The following GRAMD1B variants were observed in gnomAD, a reference collection of about 807,000 sequenced individuals.
The protein encoded by GRAMD1B is GRAM domain containing 1B, also known as protein Aster-B.
GRAMD1B carries 37 observed loss-of-function variants against 99.7 expected under a neutral mutation model. The observed-to-expected ratio is 0.37, with a 90% CI of 0.29 to 0.49. The LOEUF (loss-of-function observed/expected upper bound fraction) is 0.49, where lower values mean the gene tolerates loss of function less well. GRAMD1B is among the 20% of genes least tolerant of loss of function. The pLI, the probability that GRAMD1B is intolerant of heterozygous loss-of-function variation, is 0.98. For synonymous variants in GRAMD1B, 427 were observed against 387.6 expected, an observed-to-expected ratio of 1.10 and a Z score of -1.19; for missense variants, 888 against 1,009.2, an observed-to-expected ratio of 0.88 and a Z score of 1.63.
intron 11 of GRAMD1B, among the ~76,000 whole-genome samples, chr11:123,607,105 C>G (rs181500728): frequency 8.5e-5 from 13 of 152,244 alleles, no homozygotes; most frequent in Admixed American, 2.6e-4. Context: ...GTTTATAAGC[C>G]ACAAGGAAGG....
At chr11:123,585,352 G>A (rs571243319) in intron 4 of GRAMD1B, among the ~76,000 whole-genome samples, 16 of 152,300 alleles carry the variant, frequency 1.1e-4, no homozygotes, top group African/African-American at 3.4e-4. Context: ...CCTACTTGGC[G>A]CTGGGCGGTT....
intron 2 of GRAMD1B, among the ~76,000 whole-genome samples, chr11:123,482,223 G>A (rs561121503): frequency 3.5e-4 from 53 of 151,690 alleles, no homozygotes; most frequent in African/African-American, 9.4e-4. Context: ...CTCAGCCTCC[G>A]GAGTAATTGG....
intron 1 of GRAMD1B, among the ~76,000 whole-genome samples, chr11:123,450,287 C>T (rs1177950893): frequency 1.3e-5 from 2 of 152,174 alleles, no homozygotes; most frequent in African/African-American, 2.4e-5. Context: ...TACTTTTTCT[C>T]GTCTTCTGAT....
chr11:123,543,057 C>T (rs1944703963), intron 2 of GRAMD1B, among the ~76,000 whole-genome samples: 1 of 152,042 alleles, frequency 6.6e-6, no homozygotes, highest in Non-Finnish European at 1.5e-5. Flanking sequence ...ACTGTTTCCT[C>T]ATTCTCAGCT....
chr11:123,619,053 C>A, intron 18 of GRAMD1B, 54 bp from the exon 19 acceptor site: 1 of 983,912 alleles, frequency 1.0e-6, no homozygotes, highest in Non-Finnish European at 1.6e-6. Flanking sequence ...GAGCCCAGGA[C>A]AGTTCGCTGA....
At chr11:123,410,323 G>A (rs1947999845) in intron 1 of GRAMD1B, among the ~76,000 whole-genome samples, 1 of 152,052 alleles carries the variant, frequency 6.6e-6, no homozygotes. Context: ...GAGAGAGAAA[G>A]AAACAGAGGA....
At chr11:123,377,082 G>C (rs1304680965) in intron 1 of GRAMD1B, among the ~76,000 whole-genome samples, 1 of 152,138 alleles carries the variant, frequency 6.6e-6, no homozygotes, top group Non-Finnish European at 1.5e-5. Flanking sequence ...AAGAACACAA[G>C]TATTGACTTT....
At chr11:123,621,143 G>A (rs1000166844) in intron 19 of GRAMD1B, among the ~76,000 whole-genome samples, 4 of 152,128 alleles carry the variant, frequency 2.6e-5, no homozygotes, top group African/African-American at 9.7e-5. Flanking sequence ...TCTGTCTTGA[G>A]CACAAGATAT....
intron 1 of GRAMD1B, among the ~76,000 whole-genome samples, chr11:123,392,851 A>G (rs972692401): frequency 2.0e-5 from 3 of 152,172 alleles, no homozygotes; most frequent in African/African-American, 7.2e-5. Context: ...AGTCTGTTAC[A>G]TTTCATCTTG....
At chr11:123,362,196 A>G (rs528527676) in intron 1 of GRAMD1B, among the ~76,000 whole-genome samples, 4 of 152,338 alleles carry the variant, frequency 2.6e-5, no homozygotes, top group Admixed American at 6.5e-5. Flanking sequence ...CATGAGCATC[A>G]CAGGTGAATA....
chr11:123,433,568 C>G (rs1197742476), intron 1 of GRAMD1B, among the ~76,000 whole-genome samples: 2 of 152,078 alleles, frequency 1.3e-5, no homozygotes, highest in East Asian at 3.9e-4. Context: ...GTGTGAGGAT[C>G]ACATGAGCCC....
intron 1 of GRAMD1B, among the ~76,000 whole-genome samples, chr11:123,457,532 T>C (rs1950214897): frequency 6.6e-6 from 1 of 152,202 alleles, no homozygotes; most frequent in Non-Finnish European, 1.5e-5. Context: ...AGACAGGGCC[T>C]ATGTGATTGT....
At chr11:123,413,853 G>A (rs1948136316) in intron 1 of GRAMD1B, among the ~76,000 whole-genome samples, 1 of 152,144 alleles carries the variant, frequency 6.6e-6, no homozygotes, top group Non-Finnish European at 1.5e-5. Context: ...GACCTTGGGT[G>A]GCTTAGTAGT....
chr11:123,487,737 T>G (rs1401129186), intron 2 of GRAMD1B, among the ~76,000 whole-genome samples: 1 of 152,150 alleles, frequency 6.6e-6, no homozygotes, highest in Non-Finnish European at 1.5e-5. Flanking sequence ...CCTGAGTAGC[T>G]GGGTTTAGCT....
At chr11:123,590,345 A>T (rs1448455780) in intron 4 of GRAMD1B, among the ~76,000 whole-genome samples, 2 of 152,164 alleles carry the variant, frequency 1.3e-5, no homozygotes, top group Non-Finnish European at 2.9e-5. Flanking sequence ...GAGTGTCTCC[A>T]AGAAGTCCCT....
At chr11:123,484,568 A>G (rs1675382918) in intron 2 of GRAMD1B, among the ~76,000 whole-genome samples, 2 of 151,972 alleles carry the variant, frequency 1.3e-5, no homozygotes, top group South Asian at 4.1e-4. Context: ...TTTATGGTGG[A>G]TGGGGATGTT....
chr11:123,372,437 T>C (rs983501747), intron 1 of GRAMD1B, among the ~76,000 whole-genome samples: 1 of 152,082 alleles, frequency 6.6e-6, no homozygotes, highest in African/African-American at 2.4e-5. Flanking sequence ...TGGGAGTAGG[T>C]TTGGGACTAG....
At chr11:123,405,003 A>G (rs1023533345) in intron 1 of GRAMD1B, among the ~76,000 whole-genome samples, 11 of 152,216 alleles carry the variant, frequency 7.2e-5, no homozygotes, top group Non-Finnish European at 1.2e-4. Context: ...GAAGTCAGAG[A>G]AGAAAGCTTC....
intron 2 of GRAMD1B, among the ~76,000 whole-genome samples, chr11:123,485,715 C>CT (rs373956363): frequency 0.014 from 1,862 of 132,458 alleles, 38 homozygotes; most frequent in African/African-American, 0.043. Flanking sequence ...TTAATTCATT[C>CT]TTTTTTTTTT....
Sources: gnomAD v4.1 joint callset for allele counts (sites outside exome capture counted in the v4.1 genomes callset) on GRCh38, gnomAD v4.1.1 for gene constraint, MANE v1.5 for transcripts, NCBI Gene and HGNC (gene_info 2026-07-23, HGNC 2026-07-21) for gene names.